Variants in INVS observed in about 807,000 individuals in gnomAD.
INVS encodes the protein inversion of embryo turning homolog.
Under a neutral mutation model 108.8 loss-of-function variants are expected in INVS, and 86 were observed. The observed-to-expected ratio is 0.79, with a 90% confidence interval of 0.66 to 0.95. INVS has a LOEUF of 0.95. Ranked by LOEUF, INVS falls within the 40% of genes least tolerant of loss-of-function variation. The probability of loss-of-function intolerance (pLI) is 0.00; values close to 1 mark genes in which losing one functional copy is unlikely to be tolerated. For missense variants in INVS, 1,169 were observed against 1,297.4 expected, an observed-to-expected ratio of 0.90 and a Z score of 1.52; for synonymous variants, 455 against 473.5, an observed-to-expected ratio of 0.96 and a Z score of 0.51.
intron 12 of INVS, among the ~76,000 whole-genome samples, chr9:100,283,684 C>G (rs998362974): frequency 6.6e-6 from 1 of 152,298 alleles, no homozygotes; most frequent in Non-Finnish European, 1.5e-5. Flanking sequence ...CCCAAGGGTT[C>G]CAGCTTTGCC....
intron 3 of INVS, among the ~76,000 whole-genome samples, chr9:100,179,709 C>T (rs552342146): frequency 6.6e-6 from 1 of 152,002 alleles, no homozygotes; most frequent in Non-Finnish European, 1.5e-5. Context: ...CTTGAACACC[C>T]CACTGTCAAT....
intron 3 of INVS, among the ~76,000 whole-genome samples, chr9:100,172,531 T>C (rs990769143): frequency 5.9e-5 from 9 of 152,194 alleles, no homozygotes; most frequent in Admixed American, 1.3e-4. Context: ...TAATGAGATA[T>C]AGCATTTAAC....
chr9:100,288,135 G>A (rs1833501971), intron 13 of INVS, among the ~76,000 whole-genome samples: 1 of 152,156 alleles, frequency 6.6e-6, no homozygotes, highest in Non-Finnish European at 1.5e-5. Flanking sequence ...CCCCTACTCT[G>A]AGGTAAATAT....
chr9:100,233,305 T>C (rs1831571673), intron 5 of INVS, among the ~76,000 whole-genome samples: 1 of 152,200 alleles, frequency 6.6e-6, no homozygotes, highest in South Asian at 2.1e-4. Flanking sequence ...TACACAATCA[T>C]GTCATCTGCA....
chr9:100,280,025 A>C (rs1424897694), intron 12 of INVS, among the ~76,000 whole-genome samples: 2 of 152,250 alleles, frequency 1.3e-5, no homozygotes, highest in Non-Finnish European at 2.9e-5. Flanking sequence ...CGTTCAAGTC[A>C]TTTAAGTTAC....
intron 1 of INVS, 58 bp from the exon 2 acceptor site, chr9:100,104,440 T>A (rs543883059): frequency 3.3e-6 from 3 of 900,808 alleles, no homozygotes; most frequent in Non-Finnish European, 5.5e-6. Context: ...TTGGAACTGA[T>A]GAGACAGGTT....
chr9:100,231,717 T>C (rs935298470), intron 5 of INVS, among the ~76,000 whole-genome samples: 7 of 152,174 alleles, frequency 4.6e-5, no homozygotes, highest in African/African-American at 1.7e-4. Context: ...TATTCCATGG[T>C]GTATATGTGC....
intron 10 of INVS, among the ~76,000 whole-genome samples, chr9:100,262,277 C>G (rs1167479083): frequency 6.6e-6 from 1 of 150,518 alleles, no homozygotes; most frequent in Non-Finnish European, 1.5e-5. Flanking sequence ...TGTTTTTATT[C>G]TCTTGGAGAA....
chr9:100,220,194 C>G (rs1831102821), intron 3 of INVS, among the ~76,000 whole-genome samples: 1 of 151,912 alleles, frequency 6.6e-6, no homozygotes, highest in Admixed American at 6.6e-5. Flanking sequence ...AGTTAAAAAT[C>G]ACATTTTGAC....
chr9:100,099,550 C>T (rs1210885309), intron 1 of INVS, 134 bp downstream of exon 1: 1 of 152,572 alleles, frequency 6.6e-6, no homozygotes, highest in African/African-American at 2.4e-5. Flanking sequence ...TCGCCCGCTG[C>T]CTCTTCTTTC....
intron 10 of INVS, among the ~76,000 whole-genome samples, chr9:100,261,499 T>A (rs1400709801): frequency 6.6e-6 from 1 of 152,030 alleles, no homozygotes; most frequent in Non-Finnish European, 1.5e-5. Context: ...GATCTCCTGA[T>A]CTTGTGATCC....
chr9:100,157,118 T>C (rs1277134808), intron 3 of INVS, among the ~76,000 whole-genome samples: 1 of 151,658 alleles, frequency 6.6e-6, no homozygotes, highest in East Asian at 1.9e-4. Flanking sequence ...CAGGGTATAC[T>C]GTTAACTGAA....
intron 13 of INVS, among the ~76,000 whole-genome samples, chr9:100,291,358 C>G (rs910818253): frequency 6.6e-6 from 1 of 152,200 alleles, no homozygotes; most frequent in African/African-American, 2.4e-5. Flanking sequence ...CCGTGCCTGG[C>G]ATATTTTTCA....
At chr9:100,146,218 A>G (rs567050522) in intron 3 of INVS, among the ~76,000 whole-genome samples, 15 of 152,238 alleles carry the variant, frequency 9.9e-5, no homozygotes, top group Admixed American at 5.9e-4. Context: ...AAAGAGAGTC[A>G]GTGAAGGAAG....
In INVS at chr9:100,300,658, A is replaced by C. The variant is rs1181929610; in HGVS notation, c.3182A>C (p.Asn1061Thr). The change falls in exon 17 of 17, where the codon AAC becomes ACC. Residue 1061 changes from asparagine (N) to threonine (T), a missense_variant. Transcript: ENST00000262457. ...YNLQSATQPK[N>T]KTKP is the part of the protein sequence containing the mutation. ...CTGCAATCAGCTACTCAGCCAAAAAACAAAACAAAACCTTGACTGCCTATG... is the reference window on the plus strand; with the variant it reads ...CTGCAATCAGCTACTCAGCCAAAAACCAAAACAAAACCTTGACTGCCTATG... 1.2e-6 allele frequency: 2 copies of C among 1,612,302 alleles called. No homozygotes were observed. Among genetic ancestry groups the C allele is most frequent in the Admixed American group, 1.7e-5 (1 of 60,018 alleles).
At chr9:100,112,915 A>G (rs2118847318) in intron 2 of INVS, among the ~76,000 whole-genome samples, 1 of 152,322 alleles carries the variant, frequency 6.6e-6, no homozygotes, top group South Asian at 2.1e-4. Context: ...CTAGGCAGAA[A>G]GTGTAAATGA....
chr9:100,228,656 C>G (rs1017089091), intron 4 of INVS, among the ~76,000 whole-genome samples: 2 of 152,086 alleles, frequency 1.3e-5, no homozygotes, highest in Non-Finnish European at 2.9e-5. Context: ...AACTGTCATG[C>G]CTAAGAGGTC....
chr9:100,113,886 T>C (rs1319882123), intron 2 of INVS, among the ~76,000 whole-genome samples: 1 of 152,202 alleles, frequency 6.6e-6, no homozygotes, highest in Non-Finnish European at 1.5e-5. Context: ...AGAAAACACT[T>C]TCATTTTGTC....
At chr9:100,128,285 A>G (rs952111599) in intron 3 of INVS, among the ~76,000 whole-genome samples, 13 of 152,210 alleles carry the variant, frequency 8.5e-5, no homozygotes, top group Admixed American at 8.5e-4. Context: ...AAATAGAACT[A>G]TGATTTATGT....
Sources: allele counts gnomAD v4.1 joint callset (sites outside exome capture counted in the v4.1 genomes callset), GRCh38; gene constraint gnomAD v4.1.1; transcripts MANE v1.5; gene names NCBI Gene and HGNC (gene_info 2026-07-23, HGNC 2026-07-21).